The following GNB1 variants were observed in gnomAD, a reference collection of about 807,000 sequenced individuals.
GNB1 encodes guanine nucleotide-binding protein G(I)/G(S)/G(T) subunit beta-1.
GNB1 carries 2 observed loss-of-function variants against 42.9 expected under a neutral mutation model. The ratio of observed to expected loss-of-function variants is 0.05; its 90% CI spans 0.02 to 0.15. GNB1 has a LOEUF of 0.15. Ranked by LOEUF, GNB1 falls within the 10% of genes least tolerant of loss-of-function variation. The probability of loss-of-function intolerance (pLI) is 1.00; values close to 1 mark genes in which losing one functional copy is unlikely to be tolerated. For missense variants in GNB1, 193 were observed against 462.2 expected (o/e 0.42, Z 5.34); for synonymous variants, 183 against 174.7 (o/e 1.05, Z -0.38).
chr1:1,804,899 C>T (rs533259988), intron 6 of GNB1, among the ~76,000 whole-genome samples: 5 of 152,338 alleles, frequency 3.3e-5, no homozygotes, highest in Admixed American at 3.3e-4. Context: ...GTCACTCACG[C>T]CTGTAATCCC....
At chr1:1,884,667 G>T (rs1272744254) in intron 1 of GNB1, among the ~76,000 whole-genome samples, 1 of 151,894 alleles carries the variant, frequency 6.6e-6, no homozygotes, top group Non-Finnish European at 1.5e-5. Flanking sequence ...TTCCACTGAT[G>T]CCCTTAGTAT....
chr1:1,885,682 A>C (rs937875257), intron 1 of GNB1, among the ~76,000 whole-genome samples: 5 of 147,214 alleles, frequency 3.4e-5, no homozygotes, highest in African/African-American at 1.3e-4. Flanking sequence ...TCAGCCTCCC[A>C]AGTAGCTGGG....
chr1:1,825,572 T>C (rs577281545), intron 2 of GNB1, 73 bp from the exon 3 acceptor site: 63 of 872,786 alleles, frequency 7.2e-5, no homozygotes, highest in Non-Finnish European at 1.1e-4. Context: ...GAAAAGTAAA[T>C]TGAAAGTTTA....
chr1:1,825,305 C>CA, intron 3 of GNB1, 92 bp downstream of exon 3: 4 of 867,246 alleles, frequency 4.6e-6, no homozygotes, highest in Non-Finnish European at 7.9e-6. Context: ...AAACATAGAA[C>CA]AAGTCATCCT....
chr1:1,882,449 A>AAG lies in GNB1; in HGVS notation c.-96+8369_-96+8370dup, dbSNP rs1465305141. On this transcript the variant is annotated intron_variant, in intron 1 of 11. Coordinates refer to ENST00000378609, the MANE Select transcript of GNB1 (RefSeq NM_002074.5). ...CTCAAAAAAAAAAAAAAAAAAAAAA[A>AAG]AGAGAGAAGGTGCTAAGTCAACATC... 9.9e-3 allele frequency among the ~76,000 whole-genome samples: 1,389 copies of AAG among 140,496 alleles called. 38 individuals carry two copies. The highest frequency in any genetic ancestry group is 0.029 in the Middle Eastern group (7 of 244). The allele number at this position is 140,496 out of a possible 152,430, so 92.2% of individuals were successfully genotyped here.
intron 1 of GNB1, among the ~76,000 whole-genome samples, chr1:1,864,787 T>A (rs143619174): frequency 2.0e-5 from 3 of 152,352 alleles, no homozygotes; most frequent in East Asian, 3.9e-4. Flanking sequence ...CAACACCTTT[T>A]ACTCACTGCA....
intron 1 of GNB1, among the ~76,000 whole-genome samples, chr1:1,854,762 G>A (rs1355740291): frequency 6.6e-6 from 1 of 152,208 alleles, no homozygotes; most frequent in African/African-American, 2.4e-5. Context: ...AAAAAGTGCA[G>A]TGGCTCACAC....
intron 1 of GNB1, among the ~76,000 whole-genome samples, chr1:1,851,224 A>T (rs1207134336): frequency 6.6e-6 from 1 of 152,208 alleles, no homozygotes; most frequent in Non-Finnish European, 1.5e-5. Flanking sequence ...CAGCCTGACC[A>T]ACATGGAGAA....
At chr1:1,887,471 G>A (rs1650219796) in intron 1 of GNB1, among the ~76,000 whole-genome samples, 1 of 152,168 alleles carries the variant, frequency 6.6e-6, no homozygotes, top group African/African-American at 2.4e-5. Context: ...AAAGCAAAGG[G>A]AAGAGAACAA....
chr1:1,880,542 C>T (rs1230337994), intron 1 of GNB1, among the ~76,000 whole-genome samples: 1 of 151,726 alleles, frequency 6.6e-6, no homozygotes, highest in African/African-American at 2.4e-5. Flanking sequence ...GCCGAGATCG[C>T]GCCACTGCAC....
At chr1:1,847,184 G>A (rs139797668) in intron 1 of GNB1, among the ~76,000 whole-genome samples, 14 of 152,276 alleles carry the variant, frequency 9.2e-5, no homozygotes, top group African/African-American at 2.2e-4. Context: ...AAATGCAGCC[G>A]GGTTTATGAT....
chr1:1,820,877 C>T (rs972487038), intron 3 of GNB1, among the ~76,000 whole-genome samples: 2 of 152,180 alleles, frequency 1.3e-5, no homozygotes, highest in African/African-American at 2.4e-5. Flanking sequence ...GAGTGCAGCA[C>T]TTTGCAGAAC....
At chr1:1,888,327 G>A (rs1051671101) in intron 1 of GNB1, among the ~76,000 whole-genome samples, 9 of 151,448 alleles carry the variant, frequency 5.9e-5, no homozygotes, top group African/African-American at 1.9e-4. Context: ...AGGGGGCACA[G>A]GCACCTCAGA....
intron 3 of GNB1, among the ~76,000 whole-genome samples, chr1:1,819,980 C>T (rs913717958): frequency 4.6e-5 from 7 of 152,198 alleles, no homozygotes; most frequent in African/African-American, 1.2e-4. Context: ...GAGTTCCCAG[C>T]GGTTCAGGCT....
intron 2 of GNB1, among the ~76,000 whole-genome samples, chr1:1,833,423 G>A (rs971584986): frequency 4.6e-5 from 7 of 152,262 alleles, no homozygotes; most frequent in African/African-American, 1.2e-4. Flanking sequence ...CTTACGCACC[G>A]CTCCTAACAA....
intron 1 of GNB1, among the ~76,000 whole-genome samples, chr1:1,862,471 AT>A (rs924130629): frequency 1.0e-3 from 152 of 145,658 alleles, no homozygotes; most frequent in Non-Finnish European, 9.1e-4. Context: ...ATTTTTATTA[AT>A]TTTTTTTTTT....
At chr1:1,854,316 G>A (rs1648149269) in intron 1 of GNB1, among the ~76,000 whole-genome samples, 2 of 152,184 alleles carry the variant, frequency 1.3e-5, no homozygotes, top group Non-Finnish European at 1.5e-5. Context: ...CTGAGATTCT[G>A]ACTTATTCCT....
At position 1,804,525 on chromosome 1, in the gene GNB1, A is replaced by T; in HGVS notation, c.324T>A (p.Ser108=). ...SWVMTCAYAP[S]GNYVACGGLD... ...GGCCACCGCAGGCCACATAGTTCCC[A>T]GAAGGGGCATATGCACAGGTCATGA... Residue 108 remains serine, a synonymous_variant, in exon 7 of 12, where the codon TCT becomes TCA. Transcript: ENST00000378609. 6.2e-7 allele frequency: 1 copy of T among 1,613,578 alleles called. No homozygotes were observed. The highest frequency in any genetic ancestry group is 8.5e-7 in the Non-Finnish European group (1 of 1,179,516).
At chr1:1,884,302 T>C (rs1413134706) in intron 1 of GNB1, among the ~76,000 whole-genome samples, 1 of 152,120 alleles carries the variant, frequency 6.6e-6, no homozygotes, top group Non-Finnish European at 1.5e-5. Flanking sequence ...GGTTTCTCCA[T>C]GTTGGCCAGG....
Sources: gnomAD v4.1 joint callset for allele counts (sites outside exome capture counted in the v4.1 genomes callset) on GRCh38, gnomAD v4.1.1 for gene constraint, MANE v1.5 for transcripts, NCBI Gene and HGNC (gene_info 2026-07-23, HGNC 2026-07-21) for gene names.